Variants in UTS2B observed in about 807,000 individuals in gnomAD.
UTS2B encodes the protein urotensin 2B, also known as urotensin-2B.
In UTS2B, 21 loss-of-function variants were observed where a neutral mutation model predicts 19.2. The observed-to-expected ratio is 1.09, with a 90% CI of 0.78 to 1.58. The LOEUF (loss-of-function observed/expected upper bound fraction) is 1.58, where lower values mean the gene tolerates loss of function less well. UTS2B is among the 40% of genes most tolerant of loss of function. The pLI is 0.00. For missense variants in UTS2B, 138 were observed against 130.3 expected (o/e 1.06, Z -0.29); for synonymous variants, 57 against 50.2 (o/e 1.14, Z -0.58).
the UTS2B span, among the ~76,000 whole-genome samples, chr3:191,337,020 T>TA: frequency 6.6e-6 from 1 of 152,256 alleles, no homozygotes; most frequent in East Asian, 1.9e-4. Context: ...TCAGTGTCTG[T>TA]AAGTAAAGTT....
At chr3:191,315,728 T>C (rs1411053387) in intron 3 of UTS2B, among the ~76,000 whole-genome samples, 1 of 152,198 alleles carries the variant, frequency 6.6e-6, no homozygotes, top group Non-Finnish European at 1.5e-5. Flanking sequence ...TTTCGTCATT[T>C]TTGGAGAAGA....
the UTS2B span, among the ~76,000 whole-genome samples, chr3:191,339,320 A>G: frequency 6.6e-6 from 1 of 152,204 alleles, no homozygotes; most frequent in Non-Finnish European, 1.5e-5. Context: ...ATGCAGTGCT[A>G]CGAAAAACAA....
chr3:191,330,189 C>T (rs1402818861), intron 1 of UTS2B, among the ~76,000 whole-genome samples: 1 of 152,028 alleles, frequency 6.6e-6, no homozygotes, highest in Non-Finnish European at 1.5e-5. Flanking sequence ...TTTCCTAGGC[C>T]GGCGTCTGGC....
intron 2 of UTS2B, among the ~76,000 whole-genome samples, chr3:191,322,682 T>A (rs958217898): frequency 6.6e-5 from 10 of 152,094 alleles, no homozygotes; most frequent in Non-Finnish European, 1.2e-4. Flanking sequence ...ACAGCAAGTT[T>A]TAGAGGAAAA....
At chr3:191,300,787 T>TCTCTTG (rs1444807306) in intron 4 of UTS2B, among the ~76,000 whole-genome samples, 1 of 152,242 alleles carries the variant, frequency 6.6e-6, no homozygotes, top group Non-Finnish European at 1.5e-5. Flanking sequence ...GCCCCCTCTC[T>TCTCTTG]CTCTTGCTCT....
intron 3 of UTS2B, among the ~76,000 whole-genome samples, chr3:191,309,741 G>A (rs1267645781): frequency 6.6e-6 from 1 of 152,044 alleles, no homozygotes; most frequent in African/African-American, 2.4e-5. Flanking sequence ...ACGAAAGCAT[G>A]TAGCACCTCC....
intron 6 of UTS2B, among the ~76,000 whole-genome samples, chr3:191,277,312 T>C (rs1364425699): frequency 6.6e-6 from 1 of 152,154 alleles, no homozygotes; most frequent in Non-Finnish European, 1.5e-5. Flanking sequence ...ATTTCACTTA[T>C]TTTTCAATAA....
intron 4 of UTS2B, among the ~76,000 whole-genome samples, chr3:191,299,524 G>A (rs1716939000): frequency 6.6e-6 from 1 of 152,280 alleles, no homozygotes; most frequent in Admixed American, 6.5e-5. Flanking sequence ...AAACCTGTGG[G>A]TGCACAGAGT....
intron 1 of UTS2B, among the ~76,000 whole-genome samples, chr3:191,329,941 TTGGG>T (rs1358992656): frequency 1.7e-3 from 9 of 5,354 alleles, no homozygotes; most frequent in African/African-American, 5.2e-3. Context: ...AAGGGGGTGG[TTGGG>T]GGGGGGGGGG....
the UTS2B span, among the ~76,000 whole-genome samples, chr3:191,339,652 A>G: frequency 2.4e-4 from 36 of 152,312 alleles, no homozygotes; most frequent in African/African-American, 7.7e-4. Flanking sequence ...CTGAATATGG[A>G]AAGTGTTGAC....
intron 2 of UTS2B, among the ~76,000 whole-genome samples, chr3:191,327,663 C>A (rs1222907651): frequency 3.9e-5 from 6 of 152,162 alleles, no homozygotes; most frequent in African/African-American, 1.4e-4. Flanking sequence ...TCTGCCAGTG[C>A]TTCCCATTGG....
chr3:191,279,200 C>G (rs1210243606), intron 5 of UTS2B, among the ~76,000 whole-genome samples: 1 of 151,960 alleles, frequency 6.6e-6, no homozygotes, highest in Non-Finnish European at 1.5e-5. Flanking sequence ...TCTACATTAA[C>G]CAAAGATACC....
intron 4 of UTS2B, among the ~76,000 whole-genome samples, chr3:191,297,755 TGTTA>T (rs1291683886): frequency 6.6e-6 from 1 of 152,254 alleles, no homozygotes; most frequent in Non-Finnish European, 1.5e-5. Flanking sequence ...TGGCACATAG[TGTTA>T]GTTAAAGTGG....
In UTS2B at chr3:191,303,159, C is replaced by G. The variant is rs1717047548; in HGVS notation, c.-125+1333G>C. Among the ~76,000 whole-genome samples the G allele has an allele frequency of 2.0e-5, 3 of 152,144 alleles. 1 individual carries two copies. The South Asian group carries it at 6.2e-4, about 32-fold the overall frequency. On this transcript the variant is annotated intron_variant, in intron 4 of 8. Coordinates refer to ENST00000340524, the MANE Select transcript of UTS2B (RefSeq NM_198152.5). ...CGCCTGACTCTAGATGTCCCAGTCC[C>G]CTATATCTTTTTGTAGCTGAGGATA... is the stretch of plus-strand genomic sequence containing the variant.
At chr3:191,334,867 G>A (rs1170126221), upstream of UTS2B, among the ~76,000 whole-genome samples, 2 of 152,130 alleles carry the variant, frequency 1.3e-5, no homozygotes, top group Non-Finnish European at 2.9e-5. Context: ...TATGGATGCT[G>A]AGTTAACATA....
the UTS2B span, among the ~76,000 whole-genome samples, chr3:191,342,861 C>A: frequency 1.5e-4 from 23 of 152,280 alleles, no homozygotes; most frequent in South Asian, 4.1e-4. Flanking sequence ...ATGGTATTTA[C>A]CCTGTTGAGG....
At chr3:191,308,660 A>C (rs2108600633) in intron 3 of UTS2B, among the ~76,000 whole-genome samples, 1 of 152,298 alleles carries the variant, frequency 6.6e-6, no homozygotes, top group East Asian at 1.9e-4. Flanking sequence ...TGACAGCCAA[A>C]AATGTCTCCA....
At chr3:191,312,727 A>G (rs1441917503) in intron 3 of UTS2B, among the ~76,000 whole-genome samples, 1 of 152,192 alleles carries the variant, frequency 6.6e-6, no homozygotes, top group African/African-American at 2.4e-5. Context: ...GACTTCCAGA[A>G]CATGGCTGAT....
intron 7 of UTS2B, among the ~76,000 whole-genome samples, chr3:191,276,334 C>A (rs1000265189): frequency 4.6e-5 from 7 of 152,146 alleles, no homozygotes; most frequent in Admixed American, 2.6e-4. Context: ...CTAGGGGTCC[C>A]CGTCAAGAAG....
Sources: allele counts gnomAD v4.1 joint callset (sites outside exome capture counted in the v4.1 genomes callset), GRCh38; gene constraint gnomAD v4.1.1; transcripts MANE v1.5; gene names NCBI Gene and HGNC (gene_info 2026-07-23, HGNC 2026-07-21).